Variants in GRHL1 observed in about 807,000 individuals in gnomAD.
GRHL1 encodes the protein grainyhead-like protein 1 homolog.
A neutral mutation model predicts 75.7 loss-of-function variants in GRHL1; 38 were observed. The observed-to-expected ratio is 0.50, with a 90% CI of 0.39 to 0.66. GRHL1 has a LOEUF of 0.66. Ranked by LOEUF, GRHL1 falls within the 30% of genes least tolerant of loss-of-function variation. The pLI, the probability that GRHL1 is intolerant of heterozygous loss-of-function variation, is 0.00. For missense variants in GRHL1, 589 were observed against 767.5 expected, an observed-to-expected ratio of 0.77 and a Z score of 2.75; for synonymous variants, 266 against 279.4, an observed-to-expected ratio of 0.95 and a Z score of 0.48.
chr2:9,972,282 G>A (rs776739340), intron 8 of GRHL1, among the ~76,000 whole-genome samples: 1 of 134,260 alleles, frequency 7.4e-6, no homozygotes, highest in Admixed American at 7.7e-5. Context: ...TTTCTTTTTT[G>A]ACAGCTTGTC....
Position 9,964,362 on chromosome 2 carries a change from G to C in GRHL1, c.1015+16G>C. On this transcript the variant is annotated intron_variant, in intron 7 of 15. Transcript: ENST00000324907. ...ATTGACATAGGTAAGCAGCTCAAGA[G>C]CCCGCTTTTATTCCCAGAGGTGCAG... 2.9e-6 allele frequency: 4 copies of C among 1,370,798 alleles called. No homozygotes were observed. The highest frequency in any genetic ancestry group is 4.1e-6 in the Non-Finnish European group (4 of 969,298). The allele number at this position is 1,370,798 out of a possible 1,614,324, so 84.9% of individuals were successfully genotyped here. A position where few individuals can be genotyped will look rare whatever the true frequency, so the allele number is the denominator to read the frequency against.
At chr2:9,962,168 G>C (rs1667307255) in intron 4 of GRHL1, among the ~76,000 whole-genome samples, 1 of 152,180 alleles carries the variant, frequency 6.6e-6, no homozygotes. Flanking sequence ...TGTTTGAACA[G>C]AGTTGGGATG....
intron 10 of GRHL1, among the ~76,000 whole-genome samples, chr2:9,991,745 T>C (rs534996496): frequency 6.6e-6 from 1 of 152,376 alleles, no homozygotes; most frequent in African/African-American, 2.4e-5. Context: ...GCAAATCTTC[T>C]GTGGATATGC....
At chr2:9,981,396 C>T (rs915865785) in intron 8 of GRHL1, among the ~76,000 whole-genome samples, 1 of 152,340 alleles carries the variant, frequency 6.6e-6, no homozygotes, top group East Asian at 1.9e-4. Context: ...GGGAAATACA[C>T]CTCCTCCCTA....
chr2:9,992,242 G>A lies in GRHL1; in HGVS notation c.1461+96G>A. On this transcript the variant is annotated intron_variant, in intron 11 of 15. Coordinates refer to ENST00000324907, the MANE Select transcript of GRHL1 (RefSeq NM_198182.3). The surrounding 1 kb of genome is among the most constrained non-coding windows in gnomAD (Gnocchi z 4.6). ...TTCATGGGAAACAGAAGCCAAAATTGAGTGAGGTTTGACCAGTTAGTCAGC... is the reference window on the plus strand; with the variant it reads ...TTCATGGGAAACAGAAGCCAAAATTAAGTGAGGTTTGACCAGTTAGTCAGC... 3.4e-6 allele frequency: 4 copies of A among 1,174,768 alleles called. No homozygotes were observed. The South Asian group carries it at 4.3e-5, about 13-fold the overall frequency. 72.8% of individuals were successfully genotyped at this position (1,174,768 alleles called of 1,614,324 possible). A position where few individuals can be genotyped will look rare whatever the true frequency, so the allele number is the denominator to read the frequency against.
chr2:9,999,896 T>C (rs753379101), intron 15 of GRHL1, among the ~76,000 whole-genome samples: 19 of 152,256 alleles, frequency 1.2e-4, no homozygotes, highest in Non-Finnish European at 2.1e-4. Context: ...TAATAGTAGT[T>C]CATTTAAACT....
intron 15 of GRHL1, 52 bp downstream of exon 15, chr2:9,999,081 A>T: frequency 1.1e-6 from 1 of 912,902 alleles, no homozygotes; most frequent in South Asian, 1.6e-5. Flanking sequence ...TGCCCCCCGC[A>T]GTGCTAGTGT....
intron 12 of GRHL1, among the ~76,000 whole-genome samples, chr2:9,994,310 A>AATTATT (rs70948860): frequency 0.13 from 18,542 of 138,972 alleles, 1,370 homozygotes; most frequent in South Asian, 0.2. Flanking sequence ...ACACCCATCT[A>AATTATT]ATTATTATTA....
chr2:9,990,887 G>A lies in GRHL1; in HGVS notation c.1321+140G>A, dbSNP rs1471065822. The A allele has an allele frequency of 1.6e-6, 1 of 613,032 alleles. No individual in the cohort carries two copies. The highest frequency in any genetic ancestry group is 2.9e-6 in the Non-Finnish European group (1 of 344,794). The allele number at this position is 613,032 out of a possible 1,614,324, so 38.0% of individuals were successfully genotyped here. A position where few individuals can be genotyped will look rare whatever the true frequency, so the allele number is the denominator to read the frequency against. On this transcript the variant is annotated intron_variant, in intron 10 of 15. Coordinates refer to ENST00000324907, the MANE Select transcript of GRHL1 (RefSeq NM_198182.3). The surrounding 1 kb of genome is among the most constrained non-coding windows in gnomAD (Gnocchi z 4.2). ...GGGTGTTCTTCCTGTTCTGCAGTGT[G>A]GCACTGCCTCTTCCTCAGATCAGCA...
At chr2:9,979,032 C>T (rs184695504) in intron 8 of GRHL1, among the ~76,000 whole-genome samples, 263 of 150,884 alleles carry the variant, frequency 1.7e-3, no homozygotes, top group African/African-American at 5.6e-3. Flanking sequence ...TAGTGGTGCG[C>T]GCCTGTAATC....
chr2:9,998,488 A>G lies in GRHL1; in HGVS notation c.1678-477A>G, dbSNP rs1668995846. Among the ~76,000 whole-genome samples, 2 of 22,710 alleles carry G rather than the reference A, an allele frequency of 8.8e-5. 1 individual carries two copies. The highest frequency in any genetic ancestry group is 8.8e-4 in the African/African-American group (2 of 2,280). The allele number at this position is 22,710 out of a possible 152,430, so 14.9% of individuals were successfully genotyped here. ...TATATACGTATATATATACATATAT[A>G]TACGTATATATACATATATATACGT... On this transcript the variant is annotated intron_variant, in intron 14 of 15. Coordinates refer to ENST00000324907, the MANE Select transcript of GRHL1 (RefSeq NM_198182.3).
intron 8 of GRHL1, among the ~76,000 whole-genome samples, chr2:9,971,683 G>A (rs1265566901): frequency 1.3e-5 from 2 of 152,204 alleles, no homozygotes; most frequent in Non-Finnish European, 2.9e-5. Flanking sequence ...AATCGAGATA[G>A]TCACATTCCT....
chr2:9,996,244 T>C (rs530076298), intron 13 of GRHL1, 72 bp from the exon 14 acceptor site: 1 of 1,116,954 alleles, frequency 9.0e-7, no homozygotes, highest in Admixed American at 1.7e-5. Context: ...TGTTTTCCTC[T>C]TTTGCTCATG....
intron 1 of GRHL1, 122 bp from the exon 2 acceptor site, chr2:9,954,793 G>T: frequency 3.5e-6 from 3 of 845,892 alleles, no homozygotes; most frequent in Non-Finnish European, 5.8e-6. Flanking sequence ...GTCTTAATTT[G>T]ACTTCCTAGG....
rs764293877 is a variant in GRHL1 at position 9,964,226 on chromosome 2, C to T, written c.904-9C>T. The T allele has an allele frequency of 2.6e-6, 4 of 1,556,976 alleles. No homozygotes were observed. The highest frequency in any genetic ancestry group is 1.1e-5 in the South Asian group (1 of 88,628). On this transcript the variant is annotated splice_polypyrimidine_tract_variant and intron_variant, in intron 6 of 15. Transcript: ENST00000324907. ...GTGTCTTTATGTTGTAATGCATTCTCTTTCACAGAGTGTGATCATGGTGGT... is the reference window on the plus strand; with the variant it reads ...GTGTCTTTATGTTGTAATGCATTCTTTTTCACAGAGTGTGATCATGGTGGT...
intron 15 of GRHL1, 115 bp from the exon 16 acceptor site, chr2:10,000,478 A>G: frequency 1.5e-6 from 1 of 652,750 alleles, no homozygotes; most frequent in Admixed American, 2.3e-5. Context: ...AGGAGATTTA[A>G]ATAATTTGCC....
intron 8 of GRHL1, among the ~76,000 whole-genome samples, chr2:9,973,793 TTAAA>T (rs1667833536): frequency 6.6e-6 from 1 of 152,166 alleles, no homozygotes; most frequent in Admixed American, 6.5e-5. Flanking sequence ...TAAGTTGAAT[TTAAA>T]TAAATACTAA....
intron 8 of GRHL1, among the ~76,000 whole-genome samples, chr2:9,978,421 T>A (rs1668044082): frequency 1.3e-5 from 2 of 152,142 alleles, no homozygotes; most frequent in African/African-American, 2.4e-5. Flanking sequence ...TATTTTAAAA[T>A]TCAGGGGCAG....
chr2:9,986,916 C>T (rs926819740), intron 9 of GRHL1, among the ~76,000 whole-genome samples: 1 of 152,036 alleles, frequency 6.6e-6, no homozygotes, highest in Admixed American at 6.6e-5. Context: ...CCATGTTTCC[C>T]ATGCTGGTCT....
Sources: gnomAD v4.1 joint callset for allele counts (sites outside exome capture counted in the v4.1 genomes callset) on GRCh38, gnomAD v4.1.1 for gene constraint, Gnocchi (gnomAD v3.1) non-coding constraint, MANE v1.5 for transcripts, NCBI Gene and HGNC (gene_info 2026-07-23, HGNC 2026-07-21) for gene names.